The following UMAD1 variants were observed in gnomAD, a reference collection of about 807,000 sequenced individuals.
UMAD1 encodes UBAP1-MVB12-associated (UMA)-domain containing protein 1.
UMAD1 carries 8 observed loss-of-function variants against 6.1 expected under a neutral mutation model. That is an observed-to-expected ratio of 1.30 (90% CI 0.76 to 2.35). The LOEUF is 2.35. UMAD1 is among the 30% of genes most tolerant of loss of function. UMAD1 has a pLI of 0.00. For synonymous variants in UMAD1, 56 were observed against 31.4 expected, an observed-to-expected ratio of 1.78 and a Z score of -2.61; for missense variants, 130 against 78.4, an observed-to-expected ratio of 1.66 and a Z score of -2.49.
At chr7:7,741,578 A>AAATAAT (rs201307561) in intron 2 of UMAD1, among the ~76,000 whole-genome samples, 11,316 of 139,298 alleles carry the variant, frequency 0.081, 554 homozygotes, top group South Asian at 0.11. Context: ...CAACGTCTCA[A>AAATAAT]AATAATAATA....
At chr7:7,686,705 T>C (rs1780049111) in intron 2 of UMAD1, among the ~76,000 whole-genome samples, 3 of 152,212 alleles carry the variant, frequency 2.0e-5, no homozygotes, top group Non-Finnish European at 4.4e-5. Context: ...CACTGTGATA[T>C]GGGGCAGACA....
chr7:7,744,669 C>A (rs1781537148), intron 2 of UMAD1, among the ~76,000 whole-genome samples: 1 of 151,370 alleles, frequency 6.6e-6, no homozygotes, highest in African/African-American at 2.4e-5. Context: ...TTTACATTGA[C>A]CTGATGGCTA....
At chr7:7,778,781 G>A (rs1387113846) in intron 2 of UMAD1, among the ~76,000 whole-genome samples, 1 of 152,032 alleles carries the variant, frequency 6.6e-6, no homozygotes, top group South Asian at 2.1e-4. Context: ...GTGAATTAGG[G>A]GCTGCTGCTT....
chr7:7,818,824 A>G (rs1368719251), intron 3 of UMAD1, among the ~76,000 whole-genome samples: 4 of 152,126 alleles, frequency 2.6e-5, no homozygotes, highest in Admixed American at 6.6e-5. Context: ...TTTTGTAGAG[A>G]CAGGGTTTTG....
intron 2 of UMAD1, among the ~76,000 whole-genome samples, chr7:7,734,507 A>G (rs1781312586): frequency 6.6e-6 from 1 of 151,982 alleles, no homozygotes; most frequent in Non-Finnish European, 1.5e-5. Flanking sequence ...TCAGAGCTAA[A>G]CCTCTCTCCC....
intron 2 of UMAD1, among the ~76,000 whole-genome samples, chr7:7,715,953 A>G (rs1170751081): frequency 6.6e-6 from 1 of 152,254 alleles, no homozygotes; most frequent in Non-Finnish European, 1.5e-5. Context: ...AGGAGATAGT[A>G]TAAAACATAG....
chr7:7,794,401 A>C, intron 2 of UMAD1, among the ~76,000 whole-genome samples: 1 of 152,152 alleles, frequency 6.6e-6, no homozygotes, highest in East Asian at 1.9e-4. Context: ...AGGGAGCAAA[A>C]GGGCGTCCTA....
chr7:7,750,446 GA>G (rs530923510), intron 2 of UMAD1, among the ~76,000 whole-genome samples: 165 of 152,238 alleles, frequency 1.1e-3, no homozygotes, highest in Non-Finnish European at 1.5e-3. Context: ...TTGGCAGTTT[GA>G]AATGTACAAT....
At chr7:7,816,148 G>T (rs1276608477) in intron 3 of UMAD1, among the ~76,000 whole-genome samples, 3 of 151,056 alleles carry the variant, frequency 2.0e-5, no homozygotes, top group African/African-American at 7.3e-5. Context: ...ATCTTATAGA[G>T]GAGGAAACCA....
At chr7:7,767,890 G>A (rs556390625) in intron 2 of UMAD1, among the ~76,000 whole-genome samples, 1 of 152,236 alleles carries the variant, frequency 6.6e-6, no homozygotes, top group African/African-American at 2.4e-5. Context: ...CTTAAATACT[G>A]TATATGCTTT....
chr7:7,704,386 C>A (rs987538043), intron 2 of UMAD1, among the ~76,000 whole-genome samples: 4 of 151,734 alleles, frequency 2.6e-5, no homozygotes, highest in Non-Finnish European at 5.9e-5. Context: ...ACGTAAGAGT[C>A]CTTTGGGTCC....
chr7:7,835,951 A>G (rs1219611522), intron 3 of UMAD1, among the ~76,000 whole-genome samples: 1 of 151,992 alleles, frequency 6.6e-6, no homozygotes, highest in Non-Finnish European at 1.5e-5. Flanking sequence ...ACATTCTCTA[A>G]TCTAAATTTT....
chr7:7,831,493 T>C (rs558591135), intron 3 of UMAD1, among the ~76,000 whole-genome samples: 1 of 152,328 alleles, frequency 6.6e-6, no homozygotes, highest in East Asian at 1.9e-4. Flanking sequence ...AAGTGGCCTC[T>C]AAATCACAGG....
At chr7:7,732,783 A>G (rs1014079178) in intron 2 of UMAD1, among the ~76,000 whole-genome samples, 1 of 152,232 alleles carries the variant, frequency 6.6e-6, no homozygotes, top group African/African-American at 2.4e-5. Flanking sequence ...AAGTTGCACA[A>G]GGATTTCATA....
At chr7:7,860,666 T>G (rs1414378006) in intron 3 of UMAD1, among the ~76,000 whole-genome samples, 1 of 144,856 alleles carries the variant, frequency 6.9e-6, no homozygotes, top group East Asian at 2.0e-4. Flanking sequence ...TCCCAGTTAC[T>G]CGGGAGGCTG....
intron 1 of UMAD1, among the ~76,000 whole-genome samples, chr7:7,661,120 G>T (rs1785464887): frequency 6.6e-6 from 1 of 151,852 alleles, no homozygotes; most frequent in African/African-American, 2.4e-5. Context: ...ATTGATACTT[G>T]TGTATGCTTC....
At chr7:7,720,837 C>G (rs1164277792) in intron 2 of UMAD1, among the ~76,000 whole-genome samples, 2 of 152,182 alleles carry the variant, frequency 1.3e-5, no homozygotes, top group African/African-American at 2.4e-5. Flanking sequence ...TTCTGTCCCC[C>G]CAAAAAGGTA....
intron 2 of UMAD1, among the ~76,000 whole-genome samples, chr7:7,717,370 A>G (rs557970519): frequency 3.6e-4 from 55 of 152,058 alleles, no homozygotes; most frequent in Middle Eastern, 6.8e-3. Context: ...TGTTTCTTTC[A>G]TCTATTAAAA....
intron 2 of UMAD1, among the ~76,000 whole-genome samples, chr7:7,674,070 T>A (rs1284524685): frequency 1.3e-5 from 2 of 152,184 alleles, no homozygotes; most frequent in Non-Finnish European, 2.9e-5. Context: ...TTGCACAACA[T>A]CTTTGTATGC....
Sources: gnomAD v4.1 joint callset for allele counts (sites outside exome capture counted in the v4.1 genomes callset) on GRCh38, gnomAD v4.1.1 for gene constraint, MANE v1.5 for transcripts, NCBI Gene and HGNC (gene_info 2026-07-23, HGNC 2026-07-21) for gene names.